The following CNTNAP5 variants were observed in gnomAD, a reference collection of about 807,000 sequenced individuals.
CNTNAP5 encodes contactin-associated protein-like 5.
A neutral mutation model predicts 150.2 loss-of-function variants in CNTNAP5; 72 were observed. The observed-to-expected ratio is 0.48, with a 90% CI of 0.40 to 0.58. The LOEUF is 0.58. CNTNAP5 is among the 20% of genes least tolerant of loss of function. The probability of loss-of-function intolerance (pLI) is 0.00; values close to 1 mark genes in which losing one functional copy is unlikely to be tolerated. For synonymous variants in CNTNAP5, 672 were observed against 619.8 expected (o/e 1.08, Z -1.25); for missense variants, 1,636 against 1,626.2 (o/e 1.01, Z -0.10).
At chr2:124,135,683 C>G (rs17010907) in intron 1 of CNTNAP5, among the ~76,000 whole-genome samples, 7,436 of 152,254 alleles carry the variant, frequency 0.049, 291 homozygotes, top group South Asian at 0.16. Context: ...TCCACAGAAA[C>G]TATACACCAG....
chr2:124,569,977 C>T (rs1696114752), intron 11 of CNTNAP5, among the ~76,000 whole-genome samples: 1 of 152,182 alleles, frequency 6.6e-6, no homozygotes, highest in East Asian at 1.9e-4. Flanking sequence ...CTTACTCACA[C>T]TTGTACCAGT....
intron 1 of CNTNAP5, among the ~76,000 whole-genome samples, chr2:124,058,669 T>A (rs1186058959): frequency 6.6e-6 from 1 of 152,138 alleles, no homozygotes; most frequent in African/African-American, 2.4e-5. Context: ...TCCTAACACT[T>A]GAAAAAAATG....
At chr2:124,883,438 G>A (rs1013074467) in intron 21 of CNTNAP5, among the ~76,000 whole-genome samples, 1 of 152,006 alleles carries the variant, frequency 6.6e-6, no homozygotes, top group Admixed American at 6.6e-5. Flanking sequence ...GTGGGAGATA[G>A]GGGCTTTGGT....
intron 3 of CNTNAP5, among the ~76,000 whole-genome samples, chr2:124,396,630 T>G (rs1338519773): frequency 6.6e-6 from 1 of 152,184 alleles, no homozygotes. Flanking sequence ...CAGAGTCTTC[T>G]TTTCAATATT....
At chr2:124,450,830 A>G (rs1355324741) in intron 6 of CNTNAP5, among the ~76,000 whole-genome samples, 1 of 151,146 alleles carries the variant, frequency 6.6e-6, no homozygotes, top group Non-Finnish European at 1.5e-5. Context: ...TTACATAGCT[A>G]TTTTGTAAGC....
chr2:124,042,228 G>A (rs1431521303), intron 1 of CNTNAP5, among the ~76,000 whole-genome samples: 1 of 151,942 alleles, frequency 6.6e-6, no homozygotes, highest in African/African-American at 2.4e-5. Context: ...TAAAATAGAA[G>A]AGAAATATGA....
intron 11 of CNTNAP5, among the ~76,000 whole-genome samples, chr2:124,563,663 T>C (rs1230689789): frequency 1.3e-5 from 2 of 152,138 alleles, no homozygotes; most frequent in Admixed American, 6.5e-5. Flanking sequence ...AGTTGTTAGG[T>C]GGCTATAATA....
At chr2:124,180,002 T>C (rs778815042) in intron 1 of CNTNAP5, among the ~76,000 whole-genome samples, 1 of 152,154 alleles carries the variant, frequency 6.6e-6, no homozygotes, top group Non-Finnish European at 1.5e-5. Context: ...CCTAGGTAAT[T>C]TGGGTAATTC....
chr2:124,209,080 T>A (rs2104721362), intron 1 of CNTNAP5, among the ~76,000 whole-genome samples: 1 of 152,252 alleles, frequency 6.6e-6, no homozygotes, highest in South Asian at 2.1e-4. Context: ...ATGCACAAGG[T>A]ACTGAGACCC....
chr2:124,249,961 TTGTGTGTGTGTGTGTG>T (rs36078434), intron 3 of CNTNAP5, among the ~76,000 whole-genome samples: 4 of 118,618 alleles, frequency 3.4e-5, no homozygotes, highest in Admixed American at 8.4e-5. Context: ...ATGAATTCTT[TTGTGTGTGTGTGTGTG>T]TGTGTGTGTG....
intron 7 of CNTNAP5, among the ~76,000 whole-genome samples, chr2:124,485,631 A>AAAAAAAAAAAAAAAGAAGAAG (rs1457112306): frequency 3.7e-5 from 5 of 134,254 alleles, no homozygotes; most frequent in East Asian, 2.3e-4. Flanking sequence ...AAAAAAAAAA[A>AAAAAAAAAAAAAAAGAAGAAG]AAAGAAGAAG....
chr2:124,099,729 C>T (rs1683020758), intron 1 of CNTNAP5, among the ~76,000 whole-genome samples: 1 of 152,108 alleles, frequency 6.6e-6, no homozygotes, highest in Admixed American at 6.5e-5. Context: ...AGCTTTTACT[C>T]ATGGAGGGAG....
In CNTNAP5 at chr2:124,523,952, G is replaced by A. The variant is rs949668213; in HGVS notation, c.1328-351G>A. On this transcript the variant is annotated intron_variant, in intron 8 of 23. Transcript: ENST00000682447. ...AAATTGCTGGTAATATTTTGAGTTC[G>A]TTTATTTTTGTTTTTTTTTTTTCCT... Among the ~76,000 whole-genome samples, 5 of 140,376 alleles carry A rather than the reference G, an allele frequency of 3.6e-5. No homozygotes were observed. The East Asian group carries it at 1.2e-3, about 33-fold the overall frequency. The allele number at this position is 140,376 out of a possible 152,430, so 92.1% of individuals were successfully genotyped here.
chr2:124,621,274 A>G (rs778691227), intron 12 of CNTNAP5, among the ~76,000 whole-genome samples: 2 of 152,192 alleles, frequency 1.3e-5, no homozygotes, highest in African/African-American at 2.4e-5. Flanking sequence ...TTTATTTCTT[A>G]TCTTGATGGA....
chr2:124,284,602 C>T (rs574347149), intron 3 of CNTNAP5, among the ~76,000 whole-genome samples: 1 of 152,034 alleles, frequency 6.6e-6, no homozygotes, highest in African/African-American at 2.4e-5. Context: ...GCACATGTAT[C>T]CTGGAACTTA....
intron 4 of CNTNAP5, among the ~76,000 whole-genome samples, chr2:124,418,207 T>C (rs1691975143): frequency 6.6e-6 from 1 of 152,198 alleles, no homozygotes; most frequent in Non-Finnish European, 1.5e-5. Context: ...CTGCGCGCTT[T>C]ATACTGAAAC....
At chr2:124,174,686 C>T (rs906013757) in intron 1 of CNTNAP5, among the ~76,000 whole-genome samples, 4 of 152,148 alleles carry the variant, frequency 2.6e-5, no homozygotes, top group African/African-American at 9.7e-5. Context: ...AGGCTGTGAA[C>T]ATTGTTGAAA....
At chr2:124,510,960 TCATAAGGTAC>T (rs1488069742) in intron 8 of CNTNAP5, among the ~76,000 whole-genome samples, 2 of 152,162 alleles carry the variant, frequency 1.3e-5, no homozygotes, top group Non-Finnish European at 2.9e-5. Context: ...TTCTTACTTT[TCATAAGGTAC>T]CAAGTGCCAT....
intron 7 of CNTNAP5, among the ~76,000 whole-genome samples, chr2:124,503,651 G>T (rs1694330312): frequency 6.6e-6 from 1 of 152,098 alleles, no homozygotes; most frequent in Admixed American, 6.6e-5. Context: ...AGCATCAGAG[G>T]GCTTTCAAGC....
Sources: allele counts gnomAD v4.1 joint callset (sites outside exome capture counted in the v4.1 genomes callset), GRCh38; gene constraint gnomAD v4.1.1; transcripts MANE v1.5; gene names NCBI Gene and HGNC (gene_info 2026-07-23, HGNC 2026-07-21).